Variants in GRID2 observed in about 807,000 individuals in gnomAD.
The protein encoded by GRID2 is glutamate ionotropic receptor delta type subunit 2.
GRID2 carries 33 observed loss-of-function variants against 114.8 expected under a neutral mutation model. That is an observed-to-expected ratio of 0.29 (90% CI 0.22 to 0.38). GRID2 has a LOEUF of 0.38. Among genes scored for constraint, GRID2 ranks in the 10% least tolerant of loss-of-function variants. The pLI is 1.00. For missense variants in GRID2, 1,184 were observed against 1,257.7 expected (o/e 0.94, Z 0.89); for synonymous variants, 505 against 449.9 (o/e 1.12, Z -1.55).
At chr4:93,680,936 T>C (rs1233740806) in intron 14 of GRID2, among the ~76,000 whole-genome samples, 6 of 147,850 alleles carry the variant, frequency 4.1e-5, no homozygotes, top group Middle Eastern at 3.4e-3. Flanking sequence ...CCAGGGCAAT[T>C]AGGCAGGAGA....
chr4:92,919,327 A>G (rs1219813467), intron 2 of GRID2, among the ~76,000 whole-genome samples: 2 of 152,116 alleles, frequency 1.3e-5, no homozygotes, highest in Middle Eastern at 3.4e-3. Context: ...GATTTTTTTA[A>G]AGGGTTTTTT....
intron 13 of GRID2, among the ~76,000 whole-genome samples, chr4:93,619,994 T>C (rs1436701484): frequency 6.6e-6 from 1 of 152,194 alleles, no homozygotes; most frequent in African/African-American, 2.4e-5. Flanking sequence ...GCAAAGAGCA[T>C]AGGAAGATAG....
intron 2 of GRID2, among the ~76,000 whole-genome samples, chr4:92,910,533 T>C (rs1235555396): frequency 6.6e-6 from 1 of 152,182 alleles, no homozygotes; most frequent in East Asian, 1.9e-4. Flanking sequence ...CTTTGAATGA[T>C]GCAGTTGAGA....
chr4:92,427,478 A>G (rs1050980968), intron 1 of GRID2, among the ~76,000 whole-genome samples: 1 of 152,224 alleles, frequency 6.6e-6, no homozygotes, highest in Admixed American at 6.5e-5. Flanking sequence ...CTGTATTTTC[A>G]GTCCATCTCA....
chr4:93,661,376 G>A (rs547102395), intron 14 of GRID2, among the ~76,000 whole-genome samples: 2 of 152,070 alleles, frequency 1.3e-5, no homozygotes, highest in Admixed American at 6.5e-5. Context: ...TTGCATTTTC[G>A]TGCTTTCTTT....
chr4:92,426,671 C>T (rs1204264056), intron 1 of GRID2, among the ~76,000 whole-genome samples: 1 of 152,078 alleles, frequency 6.6e-6, no homozygotes, highest in Non-Finnish European at 1.5e-5. Context: ...GAGCAAATAT[C>T]TTTCCTTTGA....
intron 2 of GRID2, among the ~76,000 whole-genome samples, chr4:93,084,628 ATTACAAAAGT>A (rs1730169825): frequency 6.6e-6 from 1 of 152,178 alleles, no homozygotes; most frequent in African/African-American, 2.4e-5. Flanking sequence ...TAAATTGATA[ATTACAAAAGT>A]TTATCTACCA....
At chr4:93,147,553 C>T (rs1736379554) in intron 4 of GRID2, among the ~76,000 whole-genome samples, 1 of 152,074 alleles carries the variant, frequency 6.6e-6, no homozygotes, top group Non-Finnish European at 1.5e-5. Context: ...TCTTGAAGTA[C>T]TGCTTCTAGG....
chr4:93,585,788 CA>C (rs909656755), intron 13 of GRID2, among the ~76,000 whole-genome samples: 8 of 151,540 alleles, frequency 5.3e-5, no homozygotes, highest in East Asian at 1.9e-4. Flanking sequence ...TATTTTGGTA[CA>C]AAAAAAATGA....
chr4:93,695,715 T>C (rs1362445205), intron 14 of GRID2, among the ~76,000 whole-genome samples: 3 of 152,156 alleles, frequency 2.0e-5, no homozygotes, highest in African/African-American at 7.2e-5. Flanking sequence ...ACTAGTTGAT[T>C]AGGAGACAGC....
intron 2 of GRID2, among the ~76,000 whole-genome samples, chr4:92,782,764 T>C (rs924780893): frequency 6.6e-6 from 1 of 151,998 alleles, no homozygotes; most frequent in African/African-American, 2.4e-5. Flanking sequence ...AAAGTTGGTG[T>C]CCTGGAGGGT....
intron 8 of GRID2, among the ~76,000 whole-genome samples, chr4:93,369,569 G>A (rs753319556): frequency 6.6e-6 from 1 of 152,082 alleles, no homozygotes; most frequent in Non-Finnish European, 1.5e-5. Flanking sequence ...GCTCACTGCA[G>A]CATCACACTC....
At chr4:93,766,628 A>G (rs948448292) in intron 14 of GRID2, among the ~76,000 whole-genome samples, 1 of 152,206 alleles carries the variant, frequency 6.6e-6, no homozygotes, top group African/African-American at 2.4e-5. Flanking sequence ...CTCATTAAGC[A>G]AATGTTGCTG....
At chr4:92,615,083 G>T (rs1048784767) in intron 2 of GRID2, among the ~76,000 whole-genome samples, 3 of 151,402 alleles carry the variant, frequency 2.0e-5, no homozygotes, top group African/African-American at 7.3e-5. Context: ...TTTCTTAAAA[G>T]TCTGGAGACT....
chr4:93,521,284 G>A (rs543828558), intron 13 of GRID2, among the ~76,000 whole-genome samples: 1 of 152,242 alleles, frequency 6.6e-6, no homozygotes, highest in African/African-American at 2.4e-5. Flanking sequence ...TATATTTAAG[G>A]CCACAAGGCT....
intron 2 of GRID2, among the ~76,000 whole-genome samples, chr4:92,639,433 T>C (rs1458570643): frequency 1.3e-5 from 2 of 151,850 alleles, no homozygotes; most frequent in Non-Finnish European, 2.9e-5. Flanking sequence ...ATTGGTTTTC[T>C]CATAGGGCAT....
chr4:92,661,091 A>T (rs1438746874), intron 2 of GRID2, among the ~76,000 whole-genome samples: 1 of 150,834 alleles, frequency 6.6e-6, no homozygotes, highest in Non-Finnish European at 1.5e-5. Flanking sequence ...TTATCAGCTA[A>T]CATGACAGTA....
chr4:93,475,666 AACTTC>A lies in GRID2; in HGVS notation c.1859-14968_1859-14964del, dbSNP rs143684126. ...CCAACCTCAGAAATTCCAAATTAAA[AACTTC>A]ACTTTGAGATCCATTTCACTTTGAT... On this transcript the variant is annotated intron_variant, in intron 11 of 15. Transcript: ENST00000282020. Among the ~76,000 whole-genome samples, 105 of 152,226 alleles carry A rather than the reference AACTTC, an allele frequency of 6.9e-4. No homozygotes were observed. The East Asian group carries it at 0.012, about 17-fold the overall frequency.
At chr4:93,364,017 A>G (rs978272671) in intron 8 of GRID2, among the ~76,000 whole-genome samples, 16 of 152,020 alleles carry the variant, frequency 1.1e-4, no homozygotes, top group Non-Finnish European at 2.1e-4. Flanking sequence ...AGTAAGAAAA[A>G]TATATATATG....
Sources: allele counts gnomAD v4.1 joint callset (sites outside exome capture counted in the v4.1 genomes callset), GRCh38; gene constraint gnomAD v4.1.1; transcripts MANE v1.5; gene names NCBI Gene and HGNC (gene_info 2026-07-23, HGNC 2026-07-21).